The following ZNF148 variants were observed in gnomAD, a reference collection of about 807,000 sequenced individuals.
ZNF148 encodes the protein Beta-Enolase Repressor Factor-1.
In ZNF148, 7 loss-of-function variants were observed where a neutral mutation model predicts 67.7. That is an observed-to-expected ratio of 0.10 (90% confidence interval 0.06 to 0.19). The LOEUF (loss-of-function observed/expected upper bound fraction) is 0.19. Ranked by LOEUF, ZNF148 falls within the 10% of genes least tolerant of loss-of-function variation. The pLI, the probability that ZNF148 is intolerant of heterozygous loss-of-function variation, is 1.00. For missense variants in ZNF148, 583 were observed against 947.1 expected (o/e 0.62, Z 5.05); for synonymous variants, 333 against 330.7 (o/e 1.01, Z -0.08).
intron 4 of ZNF148, among the ~76,000 whole-genome samples, chr3:125,312,572 T>C (rs1940273363): frequency 6.6e-6 from 1 of 152,140 alleles, no homozygotes. Context: ...TGGAGCACTA[T>C]CTAGAGGTTA....
At chr3:125,346,615 T>G (rs1421029140) in intron 1 of ZNF148, among the ~76,000 whole-genome samples, 2 of 152,168 alleles carry the variant, frequency 1.3e-5, no homozygotes, top group Non-Finnish European at 2.9e-5. Flanking sequence ...ATTCTCATGA[T>G]AGTGAATGAG....
At chr3:125,357,035 G>C (rs889318411) in intron 1 of ZNF148, 3 of 152,240 alleles carry the variant, frequency 2.0e-5, no homozygotes, top group African/African-American at 7.2e-5. Flanking sequence ...TTGTAAAAGA[G>C]GAATAAGAAG....
intron 4 of ZNF148, among the ~76,000 whole-genome samples, chr3:125,294,880 T>C (rs1365918919): frequency 6.6e-6 from 1 of 152,208 alleles, no homozygotes; most frequent in African/African-American, 2.4e-5. Context: ...GTGAATTCTT[T>C]CTTATCCTCA....
intron 5 of ZNF148, 92 bp from the exon 6 acceptor site, chr3:125,279,339 G>C: frequency 1.0e-6 from 1 of 984,872 alleles, no homozygotes; most frequent in Non-Finnish European, 1.4e-6. Flanking sequence ...TGCAAACAAC[G>C]GTCACCACAG....
chr3:125,235,166 T>C (rs772089968), intron 7 of ZNF148, among the ~76,000 whole-genome samples: 13 of 152,198 alleles, frequency 8.5e-5, no homozygotes, highest in Non-Finnish European at 1.6e-4. Flanking sequence ...CTCCCTTTCA[T>C]ACATTTAACA....
intron 7 of ZNF148, among the ~76,000 whole-genome samples, chr3:125,256,937 GTTA>G (rs1420131037): frequency 8.1e-6 from 1 of 123,386 alleles, no homozygotes; most frequent in Non-Finnish European, 1.8e-5. Flanking sequence ...TTTTATATCA[GTTA>G]TTATGTTTTC....
intron 2 of ZNF148, among the ~76,000 whole-genome samples, chr3:125,329,401 G>A (rs1456057069): frequency 1.4e-5 from 2 of 140,662 alleles, no homozygotes; most frequent in African/African-American, 2.7e-5. Flanking sequence ...TCGCTCTGTC[G>A]CCCAGGCTGG....
At chr3:125,298,265 CTTATGAT>C (rs1433916831) in intron 4 of ZNF148, among the ~76,000 whole-genome samples, 1 of 151,706 alleles carries the variant, frequency 6.6e-6, no homozygotes, top group South Asian at 2.1e-4. Context: ...AAGATGTACT[CTTATGAT>C]TTGTGCGCTT....
At chr3:125,258,095 T>C (rs1937166723) in intron 7 of ZNF148, among the ~76,000 whole-genome samples, 2 of 146,154 alleles carry the variant, frequency 1.4e-5, no homozygotes, top group African/African-American at 5.0e-5. Context: ...GTTAATTTCA[T>C]ATATACTGTG....
At chr3:125,305,162 C>A (rs1395065135) in intron 4 of ZNF148, among the ~76,000 whole-genome samples, 1 of 152,062 alleles carries the variant, frequency 6.6e-6, no homozygotes, top group Non-Finnish European at 1.5e-5. Context: ...CAAAGTGAAC[C>A]ATCATCTGAA....
chr3:125,276,027 C>T lies in ZNF148; in HGVS notation c.667+1699G>A, dbSNP rs533924141. On this transcript the variant is annotated intron_variant, in intron 7 of 8. Transcript: ENST00000360647. ...GCTTGCTTATATGTGTGTTTTTCCA[C>T]GTCTGTTTTTCCACAAGAACGTAAA... 1.2e-4 allele frequency among the ~76,000 whole-genome samples: 19 copies of T among 152,238 alleles called. No homozygotes were observed. The East Asian group carries it at 2.1e-3, about 17-fold the overall frequency.
chr3:125,333,957 G>A (rs1049623466), intron 1 of ZNF148, among the ~76,000 whole-genome samples: 2 of 152,112 alleles, frequency 1.3e-5, no homozygotes, highest in Non-Finnish European at 2.9e-5. Context: ...ATCAATCAAG[G>A]TAGTATTTGT....
intron 3 of ZNF148, among the ~76,000 whole-genome samples, chr3:125,317,654 T>TAGAGAGAGAGAGAG: frequency 7.9e-4 from 5 of 6,302 alleles, no homozygotes; most frequent in Non-Finnish European, 1.7e-3. Flanking sequence ...TATATATATA[T>TAGAGAGAGAGAGAG]ATATATATAG....
intron 1 of ZNF148, among the ~76,000 whole-genome samples, chr3:125,339,364 C>T (rs746194368): frequency 2.6e-5 from 4 of 152,110 alleles, no homozygotes; most frequent in Non-Finnish European, 4.4e-5. Context: ...TTTAAGAGTG[C>T]TAAAATGCAG....
At chr3:125,342,218 A>G (rs938347165) in intron 1 of ZNF148, among the ~76,000 whole-genome samples, 1 of 152,294 alleles carries the variant, frequency 6.6e-6, no homozygotes, top group Middle Eastern at 3.4e-3. Flanking sequence ...TGAAGAAATG[A>G]TAACTGAAAC....
intron 2 of ZNF148, among the ~76,000 whole-genome samples, chr3:125,325,048 A>G (rs768877686): frequency 4.6e-5 from 7 of 152,186 alleles, no homozygotes; most frequent in Non-Finnish European, 1.0e-4. Context: ...TTGTTACAAT[A>G]TATTATGTAA....
intron 1 of ZNF148, among the ~76,000 whole-genome samples, chr3:125,358,734 T>G (rs1256783341): frequency 1.3e-5 from 2 of 152,150 alleles, no homozygotes; most frequent in Admixed American, 1.3e-4. Context: ...AATTTTAATA[T>G]TATATGTATC....
intron 7 of ZNF148, among the ~76,000 whole-genome samples, chr3:125,271,498 C>T (rs914499838): frequency 2.6e-5 from 4 of 152,154 alleles, no homozygotes; most frequent in African/African-American, 9.7e-5. Flanking sequence ...GATGTCACTT[C>T]GAAATTTCCT....
chr3:125,316,938 A>T (rs1442753662), intron 3 of ZNF148, among the ~76,000 whole-genome samples: 1 of 152,170 alleles, frequency 6.6e-6, no homozygotes, highest in Non-Finnish European at 1.5e-5. Flanking sequence ...GGGGACAGAT[A>T]ATATTTTGGA....
Sources: gnomAD v4.1 joint callset for allele counts (sites outside exome capture counted in the v4.1 genomes callset) on GRCh38, gnomAD v4.1.1 for gene constraint, MANE v1.5 for transcripts, NCBI Gene and HGNC (gene_info 2026-07-23, HGNC 2026-07-21) for gene names.